HEATR5A: variants seen among roughly 807,000 people sequenced by gnomAD.
The protein encoded by HEATR5A is HEAT repeat-containing protein 5A.
HEATR5A carries 178 observed loss-of-function variants against 218.8 expected under a neutral mutation model. The ratio of observed to expected loss-of-function variants is 0.81; its 90% CI spans 0.72 to 0.92. HEATR5A has a LOEUF of 0.92. Among genes scored for constraint, HEATR5A ranks in the 40% least tolerant of loss-of-function variants. The pLI is 0.00. For synonymous variants in HEATR5A, 864 were observed against 871.6 expected (o/e 0.99, Z 0.15); for missense variants, 2,420 against 2,418.9 (o/e 1.00, Z -0.01).
chr14:31,380,427 A>G (rs1474800391), intron 11 of HEATR5A, 40 bp downstream of exon 11: 7 of 1,245,046 alleles, frequency 5.6e-6, no homozygotes, highest in South Asian at 1.3e-5. Flanking sequence ...CAGAAAACAC[A>G]AAGTATTTCA....
chr14:31,399,745 G>A (rs904483755), intron 3 of HEATR5A, among the ~76,000 whole-genome samples: 3 of 152,120 alleles, frequency 2.0e-5, no homozygotes, highest in Non-Finnish European at 4.4e-5. Context: ...CAGGGGAATC[G>A]CTCGAACCCA....
chr14:31,302,709 T>C, intron 32 of HEATR5A, 190 bp from the exon 33 acceptor site: 1 of 545,024 alleles, frequency 1.8e-6, no homozygotes, highest in Non-Finnish European at 3.2e-6. Context: ...TAAATCTTGA[T>C]GGTTATAACT....
chr14:31,406,584 C>T (rs555076969), intron 1 of HEATR5A, among the ~76,000 whole-genome samples: 3 of 152,288 alleles, frequency 2.0e-5, no homozygotes, highest in African/African-American at 7.2e-5. Context: ...TGCACTTAAG[C>T]AATCTGACTT....
intron 22 of HEATR5A, among the ~76,000 whole-genome samples, chr14:31,332,419 A>G (rs1900503684): frequency 6.6e-6 from 1 of 152,212 alleles, no homozygotes; most frequent in Admixed American, 6.5e-5. Context: ...AATTAGGCCA[A>G]TGAATAACAC....
At chr14:31,293,694 T>C in intron 35 of HEATR5A, 82 bp from the exon 36 acceptor site, 1 of 1,290,608 alleles carries the variant, frequency 7.7e-7, no homozygotes, top group Non-Finnish European at 1.1e-6. Context: ...TCTGTATACA[T>C]TTTTCCCCAC....
At chr14:31,367,163 T>C (rs1901833945) in intron 13 of HEATR5A, among the ~76,000 whole-genome samples, 1 of 152,142 alleles carries the variant, frequency 6.6e-6, no homozygotes, top group African/African-American at 2.4e-5. Context: ...ACGGCAGCAA[T>C]AAACAGACTA....
chr14:31,293,396 T>G lies in HEATR5A; in HGVS notation c.6050A>C (p.Gln2017Pro). The G allele has an allele frequency of 6.2e-7, 1 of 1,613,908 alleles. No homozygotes were observed. The highest frequency in any genetic ancestry group is 8.5e-7 in the Non-Finnish European group (1 of 1,179,786). ...ARLEAAIKGN[Q>P]ESVKVKIPTS... ...TGGTATCTTGACTTTGACACTTTCCTGATTGCCCTTTATAGCAGCCTCAAG... is the reference window on the plus strand; with the variant it reads ...TGGTATCTTGACTTTGACACTTTCCGGATTGCCCTTTATAGCAGCCTCAAG... The change falls in exon 36 of 36, where the codon CAG (glutamine) becomes CCG (proline). Residue 2017 changes from glutamine to proline, a missense_variant. By Grantham distance (76) the Gln-to-Pro change is moderately conservative. Transcript: ENST00000543095.
Position 31,312,974 on chromosome 14 carries a change from C to T in HEATR5A, c.4435G>A (p.Ala1479Thr). Residue 1479 changes from alanine (A) to threonine (T), a missense_variant, in exon 28 of 36, where the codon GCT (alanine) becomes ACT (threonine). Coordinates refer to ENST00000543095, the MANE Select transcript of HEATR5A (RefSeq NM_015473.4). ...LPSEFASQLP[A>T]EGGAFYTAET... ...AAGTATTTTATCTCCTTACCTTCAG[C>T]AGGAAGTTGGGAGGCAAATTCTGAA... The T allele has an allele frequency of 6.2e-7, 1 of 1,607,634 alleles. No individual in the cohort carries two copies. Among genetic ancestry groups the T allele is most frequent in the Non-Finnish European group, 8.5e-7 (1 of 1,174,284 alleles).
At position 31,398,801 on chromosome 14, in the gene HEATR5A, A is replaced by G. The variant is rs190555498; in HGVS notation, c.339-20T>C. On this transcript the variant is annotated intron_variant, in intron 3 of 35. Coordinates refer to ENST00000543095, the MANE Select transcript of HEATR5A (RefSeq NM_015473.4). ...GCAGCACTGAAACAACATTTAAATT[A>G]GAAATTAGTCACAGCTGAAAAAATA... 4.0e-4 allele frequency: 536 copies of G among 1,355,590 alleles called. 7 individuals are homozygous for G. The highest frequency in any genetic ancestry group is 3.9e-3 in the East Asian group (158 of 40,078). 84.0% of individuals were successfully genotyped at this position (1,355,590 alleles called of 1,614,324 possible).
intron 33 of HEATR5A, among the ~76,000 whole-genome samples, chr14:31,298,770 T>C (rs76622870): frequency 6.6e-6 from 1 of 152,108 alleles, no homozygotes. Context: ...GTCCACCTCC[T>C]TTTTTTCCCC....
intron 1 of HEATR5A, among the ~76,000 whole-genome samples, chr14:31,407,313 G>A (rs1020626841): frequency 4.6e-5 from 7 of 152,056 alleles, no homozygotes; most frequent in African/African-American, 1.4e-4. Context: ...GTGGATATAC[G>A]GAACTAGAGT....
At chr14:31,313,671 C>T (rs1899828140) in intron 27 of HEATR5A, among the ~76,000 whole-genome samples, 1 of 152,160 alleles carries the variant, frequency 6.6e-6, no homozygotes, top group African/African-American at 2.4e-5. Flanking sequence ...ATCCCTTTAT[C>T]TACAACTCTA....
At position 31,395,301 on chromosome 14, in the gene HEATR5A, A is replaced by C. The variant is rs2139296255; in HGVS notation, c.495T>G (p.Asn165Lys). 3 of 1,531,162 alleles carry C rather than the reference A, an allele frequency of 2.0e-6. No individual in the cohort carries two copies. The highest frequency in any genetic ancestry group is 8.7e-7 in the Non-Finnish European group (1 of 1,142,894). 94.8% of individuals were successfully genotyped at this position (1,531,162 alleles called of 1,614,324 possible). ...AAGGTGCAGCGGCAGCTCCTAGTCC[A>C]TTCAATATATTTTGCAGACTTAGCA... ...EIMLSLQNIL[N>K]GLGAAAAPCH... Residue 165 changes from asparagine to lysine, a missense_variant, in exon 5 of 36, where the codon AAT (asparagine) becomes AAG (lysine). Transcript: ENST00000543095.
In HEATR5A at chr14:31,345,256, T is replaced by C. The variant is rs767100519; in HGVS notation, c.2889A>G (p.Leu963=). 7 of 1,611,872 alleles carry C rather than the reference T, an allele frequency of 4.3e-6. No homozygotes were observed. The South Asian group carries it at 4.4e-5, about 10-fold the overall frequency. Residue 963 remains leucine (L), a synonymous_variant, in exon 20 of 36, where the codon CTA becomes CTG. Transcript: ENST00000543095. ...PDVQTWALHS[L]SLIIDSAGPL... Reference sequence around the variant, plus strand: ...GGCCAGCAGAATCAATGATCAATGATAGAGAATGTAATGCCCAGGTCTGTA... The same window carrying C: ...GGCCAGCAGAATCAATGATCAATGACAGAGAATGTAATGCCCAGGTCTGTA...
At chr14:31,406,977 C>A (rs1198750313) in intron 1 of HEATR5A, among the ~76,000 whole-genome samples, 412 of 74,584 alleles carry the variant, frequency 5.5e-3, no homozygotes, top group Middle Eastern at 0.012. Context: ...ACCTCTGTCT[C>A]AAAAAAAAAA....
Position 31,371,913 on chromosome 14 carries a change from A to G in HEATR5A, c.1862-4T>C. On this transcript the variant is annotated splice_polypyrimidine_tract_variant and splice_region_variant and intron_variant, in intron 12 of 35. Transcript: ENST00000543095. ...TGGGAAACAAAGCTCTTGATAGCTG[A>G]AAAGGAAAACAGACTTTTACTTGGG... 1 of 1,474,218 alleles carries G rather than the reference A, an allele frequency of 6.8e-7. No individual in the cohort carries two copies. 91.3% of individuals were successfully genotyped at this position (1,474,218 alleles called of 1,614,324 possible). A position where few individuals can be genotyped will look rare whatever the true frequency, so the allele number is the denominator to read the frequency against.
intron 4 of HEATR5A, among the ~76,000 whole-genome samples, chr14:31,398,432 T>C (rs535169827): frequency 3.3e-4 from 50 of 152,178 alleles, no homozygotes; most frequent in Admixed American, 1.2e-3. Flanking sequence ...TGGAATACGT[T>C]AGTTTTCGCC....
chr14:31,368,810 C>T (rs1259178336), intron 13 of HEATR5A, among the ~76,000 whole-genome samples: 2 of 151,988 alleles, frequency 1.3e-5, no homozygotes, highest in African/African-American at 4.8e-5. Context: ...AATCCTCTCA[C>T]CTCAGCCTCC....
At chr14:31,405,365 C>T (rs1373509378) in intron 1 of HEATR5A, among the ~76,000 whole-genome samples, 1 of 152,054 alleles carries the variant, frequency 6.6e-6, no homozygotes, top group East Asian at 1.9e-4. Flanking sequence ...GCCCTGAAGG[C>T]AGAGGTTGCA....
Sources: gnomAD v4.1 joint callset for allele counts (sites outside exome capture counted in the v4.1 genomes callset) on GRCh38, gnomAD v4.1.1 for gene constraint, MANE v1.5 for transcripts, NCBI Gene and HGNC (gene_info 2026-07-23, HGNC 2026-07-21) for gene names.